Variants in ARHGEF39 observed in about 807,000 individuals in gnomAD.
ARHGEF39 encodes the protein Rho guanine nucleotide exchange factor 39.
A neutral mutation model predicts 47.5 loss-of-function variants in ARHGEF39; 45 were observed. That is an observed-to-expected ratio of 0.95 (90% CI 0.75 to 1.22). The LOEUF (loss-of-function observed/expected upper bound fraction) is 1.22, where lower values mean the gene tolerates loss of function less well. Among genes scored for constraint, ARHGEF39 ranks in the 50% most tolerant of loss-of-function variants. ARHGEF39 has a pLI of 0.00. For synonymous variants in ARHGEF39, 164 were observed against 167.8 expected, an observed-to-expected ratio of 0.98 and a Z score of 0.17; for missense variants, 411 against 425.3, an observed-to-expected ratio of 0.97 and a Z score of 0.30.
Position 35,660,280 on chromosome 9 carries a change from G to A in ARHGEF39, c.*1707C>T. On this transcript the variant is annotated 3_prime_UTR_variant, in exon 9 of 9. Transcript: ENST00000378387. ...ATAGACTAGGATTGTGATTCTCTGA[G>A]GTAAAAACCCAATCACTGTCTCCAT... is the stretch of plus-strand genomic sequence containing the variant. 2 of 815,488 alleles carry A rather than the reference G, an allele frequency of 2.5e-6. No homozygotes were observed. Among genetic ancestry groups the A allele is most frequent in the South Asian group, 1.7e-5 (1 of 58,120 alleles). The allele number at this position is 815,488 out of a possible 1,614,324, so 50.5% of individuals were successfully genotyped here. A position where few individuals can be genotyped will look rare whatever the true frequency, so the allele number is the denominator to read the frequency against.
At chr9:35,664,351 T>G (rs1476487101) in intron 3 of ARHGEF39, 21 bp downstream of exon 3, 2 of 1,588,584 alleles carry the variant, frequency 1.3e-6, no homozygotes, top group Admixed American at 1.8e-5. Context: ...GGGGCAAGAT[T>G]TGAGGTCATC....
chr9:35,662,046 T>C, intron 8 of ARHGEF39, 44 bp from the exon 9 acceptor site: 2 of 1,612,880 alleles, frequency 1.2e-6, no homozygotes, highest in Non-Finnish European at 1.7e-6. Flanking sequence ...TATGAGTGCT[T>C]TATTCAGACA....
At position 35,663,921 on chromosome 9, in the gene ARHGEF39, G is replaced by C. The variant is rs897483778; in HGVS notation, c.473+87C>G. ...GCTCAGGGTCGAGGCAAGAGTTTGG[G>C]ATCGACCCCAAGGCATCCCACAAAG... On this transcript the variant is annotated intron_variant, in intron 4 of 8. Coordinates refer to ENST00000378387, the MANE Select transcript of ARHGEF39 (RefSeq NM_032818.3). The C allele has an allele frequency of 4.3e-6, 6 of 1,383,986 alleles. No individual in the cohort carries two copies. The African/African-American group carries it at 8.7e-5, about 20-fold the overall frequency. 85.7% of individuals were successfully genotyped at this position (1,383,986 alleles called of 1,614,324 possible).
At position 35,660,704 on chromosome 9, in the gene ARHGEF39, T is replaced by A. The variant is rs1333975083; in HGVS notation, c.*1283A>T. ...GGGAATTTGTGGCAGGAGGGAGGAATGGGGACATAGGTTGGGAGCCACTGA... is the reference window on the plus strand; with the variant it reads ...GGGAATTTGTGGCAGGAGGGAGGAAAGGGGACATAGGTTGGGAGCCACTGA... On this transcript the variant is annotated 3_prime_UTR_variant, in exon 9 of 9. Coordinates refer to ENST00000378387, the MANE Select transcript of ARHGEF39 (RefSeq NM_032818.3). 3.1e-6 allele frequency: 5 copies of A among 1,613,620 alleles called. No individual in the cohort carries two copies. The South Asian group carries it at 5.5e-5, about 18-fold the overall frequency.
At chr9:35,662,115 A>G in intron 8 of ARHGEF39, 64 bp downstream of exon 8, 4 of 1,599,370 alleles carry the variant, frequency 2.5e-6, no homozygotes, top group Non-Finnish European at 3.4e-6. Flanking sequence ...ATGAGACAGG[A>G]ACTGCATATT....
In ARHGEF39 at chr9:35,661,457, C is replaced by T; in HGVS notation, c.*530G>A. ...TCTTTCCCAAAAAAAAGAAAAAAAA[C>T]TTTACTCAAATCCAGTGGAAAAATA... On this transcript the variant is annotated 3_prime_UTR_variant, in exon 9 of 9. Transcript: ENST00000378387. The T allele has an allele frequency of 2.1e-6, 1 of 468,122 alleles. No individual in the cohort carries two copies. The highest frequency in any genetic ancestry group is 3.3e-5 in the East Asian group (1 of 30,736). 29.0% of individuals were successfully genotyped at this position (468,122 alleles called of 1,614,324 possible). A position where few individuals can be genotyped will look rare whatever the true frequency, so the allele number is the denominator to read the frequency against.
chr9:35,662,107 G>GA, intron 8 of ARHGEF39, 72 bp downstream of exon 8: 1 of 1,597,804 alleles, frequency 6.3e-7, no homozygotes, highest in Non-Finnish European at 8.6e-7. Context: ...TGTAGGGCAT[G>GA]AGACAGGAAC....
intron 6 of ARHGEF39, 91 bp from the exon 7 acceptor site, chr9:35,662,832 T>C (rs995393968): frequency 1.1e-5 from 17 of 1,540,178 alleles, no homozygotes; most frequent in Middle Eastern, 1.7e-4. Context: ...GGTTATGTGC[T>C]GGGTCAGTAC....
chr9:35,663,156 G>A (rs573633657), intron 5 of ARHGEF39, 82 bp from the exon 6 acceptor site: 5 of 1,603,128 alleles, frequency 3.1e-6, no homozygotes, highest in Middle Eastern at 3.3e-4. Context: ...TTCTGGAAGG[G>A]ACCAGGGTCA....
chr9:35,663,525 C>T, intron 4 of ARHGEF39, 133 bp from the exon 5 acceptor site: 2 of 748,796 alleles, frequency 2.7e-6, no homozygotes, highest in East Asian at 2.6e-5. Flanking sequence ...ACTGTATCCC[C>T]TTCTTTCATG....
rs1048739328 is a variant in ARHGEF39, at chr9:35,664,260, CCA to C, written c.354+110_354+111del. On this transcript the variant is annotated intron_variant, in intron 3 of 8. Transcript: ENST00000378387. ...CTCTCGTTTCTCTACAAGGAACTTACCACAGAGCTGAGCACCCAGAGGGCTCT... is the reference window on the plus strand; with the variant it reads ...CTCTCGTTTCTCTACAAGGAACTTACCAGAGCTGAGCACCCAGAGGGCTCT... 2.6e-6 allele frequency: 4 copies of C among 1,523,288 alleles called. No individual in the cohort carries two copies. In the African/African-American group the frequency reaches 4.2e-5, roughly 16 times the overall value. 94.4% of individuals were successfully genotyped at this position (1,523,288 alleles called of 1,614,324 possible).
Position 35,660,703 on chromosome 9 carries a change from A to G in ARHGEF39, c.*1284T>C, listed in dbSNP as rs1413249989. The G allele has an allele frequency of 5.0e-6, 8 of 1,613,546 alleles. No homozygotes were observed. Among genetic ancestry groups the G allele is most frequent in the Non-Finnish European group, 5.9e-6 (7 of 1,179,518 alleles). ...GGGGAATTTGTGGCAGGAGGGAGGA[A>G]TGGGGACATAGGTTGGGAGCCACTG... On this transcript the variant is annotated 3_prime_UTR_variant, in exon 9 of 9. Coordinates refer to ENST00000378387, the MANE Select transcript of ARHGEF39 (RefSeq NM_032818.3).
At position 35,662,959 on chromosome 9, in the gene ARHGEF39, C is replaced by T. The variant is rs1824043767; in HGVS notation, c.660G>A (p.Lys220=). 6.2e-7 allele frequency: 1 copy of T among 1,606,782 alleles called. No homozygotes were observed. The highest frequency in any genetic ancestry group is 1.7e-5 in the Admixed American group (1 of 59,852). The part of the protein sequence containing the change: ...VQALLSGRQA[K]GLTSGRWFLR... ...TAGGCAAGCTACCTGAGGTCAGCCC[C>T]TTTGCCTGGCGTCCACTGAGCAGAG... is the stretch of plus-strand genomic sequence containing the variant. Residue 220 remains lysine, a synonymous_variant, in exon 6 of 9, where the codon AAG becomes AAA. Coordinates refer to ENST00000378387, the MANE Select transcript of ARHGEF39 (RefSeq NM_032818.3).
At position 35,665,147 on chromosome 9, in the gene ARHGEF39, G is replaced by T; in HGVS notation, c.23C>A (p.Ser8Ter). ...ACGCTGCTCTTGCACCGGGCACCGC[G>T]AACCGGGGCAGGAGAGCTCCATGCC... MELSCPG[S>*]RCPVQEQRAR... The change falls in exon 1 of 9, where the codon TCG becomes TAG. Residue 8 changes from serine to a stop codon, truncating the protein, a stop_gained. Coordinates refer to ENST00000378387, the MANE Select transcript of ARHGEF39 (RefSeq NM_032818.3). LOFTEE classifies it high-confidence loss of function. 1 of 1,539,712 alleles carries T rather than the reference G, an allele frequency of 6.5e-7. No individual in the cohort carries two copies. The highest frequency in any genetic ancestry group is 8.8e-7 in the Non-Finnish European group (1 of 1,141,308).
chr9:35,663,305 G>A lies in ARHGEF39; in HGVS notation c.544+17C>T, dbSNP rs373717028. 93 of 1,613,448 alleles carry A rather than the reference G, an allele frequency of 5.8e-5. No individual in the cohort carries two copies. The highest frequency in any genetic ancestry group is 6.7e-5 in the East Asian group (3 of 44,898). On this transcript the variant is annotated intron_variant, in intron 5 of 8. Coordinates refer to ENST00000378387, the MANE Select transcript of ARHGEF39 (RefSeq NM_032818.3). ...GAGGAAGCCTCCAGCCTGCGTTGCC[G>A]AGGAGCAAGAACCTACGTGTGAGCT...
In ARHGEF39 at chr9:35,662,530, A is replaced by G. The variant is rs897150149; in HGVS notation, c.885T>C (p.Pro295=). 2 of 1,613,720 alleles carry G rather than the reference A, an allele frequency of 1.2e-6. No homozygotes were observed. Among genetic ancestry groups the G allele is most frequent in the Non-Finnish European group, 1.7e-6 (2 of 1,179,790 alleles). The change falls in exon 7 of 9, where the codon CCT becomes CCC. Residue 295 remains proline (P), a synonymous_variant. Transcript: ENST00000378387. ...LSRVFGHSGG[P]CGGLLSLSFP... ...TACTTACACTGAGCAACCCACCACA[A>G]GGGCCTCCTGAGTGGCCAAAGACCC...
At chr9:35,663,124 G>A (rs1293931453) in intron 5 of ARHGEF39, 50 bp from the exon 6 acceptor site, 8 of 1,607,090 alleles carry the variant, frequency 5.0e-6, no homozygotes, top group Middle Eastern at 1.7e-4. Context: ...GACTTTGGGT[G>A]CCATGGTTGT....
In ARHGEF39 at chr9:35,663,010, ATTC is replaced by A. The variant is rs1824048366; in HGVS notation, c.606_608del (p.Lys202del). 3 of 1,610,926 alleles carry A rather than the reference ATTC, an allele frequency of 1.9e-6. No individual in the cohort carries two copies. Among genetic ancestry groups the A allele is most frequent in the East Asian group, 2.2e-5 (1 of 44,894 alleles). ...CCTGGACACGCCGAAGGTGCTGGTCATTCTTCTGTTTCTGACCAATAGTATGGA... is the reference window on the plus strand; with the variant it reads ...CCTGGACACGCCGAAGGTGCTGGTCATTCTGTTTCTGACCAATAGTATGGA... On this transcript the variant is annotated inframe_deletion, in exon 6 of 9. Coordinates refer to ENST00000378387, the MANE Select transcript of ARHGEF39 (RefSeq NM_032818.3).
rs373020136 is a variant in ARHGEF39 at position 35,662,096 on chromosome 9, A to G, written c.992+83T>C. On this transcript the variant is annotated intron_variant, in intron 8 of 8. Coordinates refer to ENST00000378387, the MANE Select transcript of ARHGEF39 (RefSeq NM_032818.3). ...TTGGTGGCTGGGGTGTGCCAGACCA[A>G]TGTAGGGCATGAGACAGGAACTGCA... The G allele has an allele frequency of 4.4e-6, 7 of 1,597,444 alleles. No individual in the cohort carries two copies. In the African/African-American group the frequency reaches 6.7e-5, roughly 15 times the overall value.
Sources: gnomAD v4.1 joint callset for allele counts on GRCh38, gnomAD v4.1.1 for gene constraint, MANE v1.5 for transcripts, NCBI Gene and HGNC (gene_info 2026-07-23, HGNC 2026-07-21) for gene names.